KBTBD2: variants seen among roughly 807,000 people sequenced by gnomAD.
KBTBD2 encodes the protein kelch repeat and BTB domain containing 2.
Under a neutral mutation model 57.1 loss-of-function variants are expected in KBTBD2, and 17 were observed. That is an observed-to-expected ratio of 0.30 (90% confidence interval 0.20 to 0.45). KBTBD2 has a LOEUF of 0.45. KBTBD2 is among the 20% of genes least tolerant of loss of function. The pLI, the probability that KBTBD2 is intolerant of heterozygous loss-of-function variation, is 1.00. For synonymous variants in KBTBD2, 267 were observed against 262.7 expected (o/e 1.02, Z -0.16); for missense variants, 515 against 750.6 (o/e 0.69, Z 3.67).
chr7:32,869,291 G>T lies in KBTBD2; in HGVS notation c.*54C>A. The stretch of plus-strand genomic sequence containing the variant: ...GTTCTTTCATAGCCTCTTTTGTTTA[G>T]CAAAGAAAATGACAAAGCACATAAC... On this transcript the variant is annotated 3_prime_UTR_variant, in exon 4 of 4. Coordinates refer to ENST00000304056, the MANE Select transcript of KBTBD2 (RefSeq NM_015483.3). 1 of 1,297,534 alleles carries T rather than the reference G, an allele frequency of 7.7e-7. No homozygotes were observed. The highest frequency in any genetic ancestry group is 1.1e-6 in the Non-Finnish European group (1 of 937,842). The allele number at this position is 1,297,534 out of a possible 1,614,324, so 80.4% of individuals were successfully genotyped here.
chr7:32,889,547 G>C (rs917811900), intron 1 of KBTBD2, among the ~76,000 whole-genome samples: 33 of 152,096 alleles, frequency 2.2e-4, no homozygotes, highest in African/African-American at 8.0e-4. Flanking sequence ...GTTGCAGTGA[G>C]CCGAGATCGT....
Position 32,869,751 on chromosome 7 carries a change from G to C in KBTBD2, c.1466C>G (p.Ser489Cys). The C allele has an allele frequency of 6.2e-7, 1 of 1,614,100 alleles. No individual in the cohort carries two copies. The change falls in exon 4 of 4, where the codon TCT (serine) becomes TGT (cysteine). Residue 489 changes from serine to cysteine, a missense_variant. Physicochemically the swap from Ser to Cys is moderately radical, Grantham distance 112. Coordinates refer to ENST00000304056, the MANE Select transcript of KBTBD2 (RefSeq NM_015483.3). ...IATNSGIRLP[S>C]GTVDGSSVTV... The stretch of plus-strand genomic sequence containing the variant: ...TACTGAAGACCCATCTACAGTGCCA[G>C]AGGGGAGTCTTATGCCGGAATTGGT...
chr7:32,888,009 C>T (rs1241424891), intron 1 of KBTBD2, among the ~76,000 whole-genome samples: 1 of 152,220 alleles, frequency 6.6e-6, no homozygotes, highest in Admixed American at 6.5e-5. Context: ...ACTTTCCCAA[C>T]TCCTGGATTC....
In KBTBD2 at chr7:32,875,008, G is replaced by A. The variant is rs755257547; in HGVS notation, c.320C>T (p.Thr107Ile). The change falls in exon 3 of 4, where the codon ACA (threonine) becomes ATA (isoleucine). Residue 107 changes from threonine (T) to isoleucine (I), a missense_variant. Physicochemically the swap from Thr to Ile is moderately conservative, Grantham distance 89. Transcript: ENST00000304056. ...NDSTVEQLYETACFLQVEDVL... is the reference protein window; with the variant it reads ...NDSTVEQLYEIACFLQVEDVL... ...TATGCTTACCTGTAGGAAGCAAGCT[G>A]TTTCATAAAGCTGTTCTACAGTGCT... 1.2e-6 allele frequency: 2 copies of A among 1,613,956 alleles called. No individual in the cohort carries two copies. Among genetic ancestry groups the A allele is most frequent in the South Asian group, 2.2e-5 (2 of 91,078 alleles).
chr7:32,887,806 T>G (rs1006700580), intron 1 of KBTBD2, among the ~76,000 whole-genome samples: 12 of 152,236 alleles, frequency 7.9e-5, no homozygotes, highest in African/African-American at 2.7e-4. Context: ...AATAGCTGTG[T>G]GGCCCTTTTT....
At chr7:32,891,144 G>C (rs1784725069) in intron 1 of KBTBD2, 1 of 152,006 alleles carries the variant, frequency 6.6e-6, no homozygotes, top group South Asian at 2.1e-4. Flanking sequence ...CGAACACGTC[G>C]CGAGTCTTTA....
intron 1 of KBTBD2, among the ~76,000 whole-genome samples, chr7:32,889,386 A>G (rs1784671674): frequency 6.6e-6 from 1 of 152,128 alleles, no homozygotes; most frequent in South Asian, 2.1e-4. Flanking sequence ...GGGGATCACG[A>G]GGTCAGGAGC....
At chr7:32,871,216 A>G (rs1387360743) in intron 3 of KBTBD2, among the ~76,000 whole-genome samples, 2 of 152,220 alleles carry the variant, frequency 1.3e-5, no homozygotes, top group Non-Finnish European at 2.9e-5. Flanking sequence ...TATATAATTG[A>G]GAGAACTATA....
At chr7:32,873,868 T>A (rs908456336) in intron 3 of KBTBD2, among the ~76,000 whole-genome samples, 20 of 152,364 alleles carry the variant, frequency 1.3e-4, no homozygotes, top group African/African-American at 4.8e-4. Flanking sequence ...CTACTTAGTT[T>A]ACTGGGTAAT....
Position 32,879,618 on chromosome 7 carries a change from T to C in KBTBD2, c.-14A>G. The C allele has an allele frequency of 6.2e-7, 1 of 1,608,032 alleles. No individual in the cohort carries two copies. Among genetic ancestry groups the C allele is most frequent in the South Asian group, 1.1e-5 (1 of 90,724 alleles). ...TTGAGTGGACATGACTGTATTCCAT[T>C]AATATCTCCAGGAACAGATTAGAAA... On this transcript the variant is annotated 5_prime_UTR_variant, in exon 2 of 4. Coordinates refer to ENST00000304056, the MANE Select transcript of KBTBD2 (RefSeq NM_015483.3).
chr7:32,870,746 C>T lies in KBTBD2; in HGVS notation c.471G>A (p.Glu157=), dbSNP rs372429021. 1.9e-5 allele frequency: 30 copies of T among 1,614,070 alleles called. No homozygotes were observed. The highest frequency in any genetic ancestry group is 2.3e-5 in the Non-Finnish European group (27 of 1,180,038). ...GATGATACACAGCAGTGAACTTGTGCTCCACCATTCTTTTAGCACTCTGTT... is the reference window on the plus strand; with the variant it reads ...GATGATACACAGCAGTGAACTTGTGTTCCACCATTCTTTTAGCACTCTGTT... ...ELKQSAKRMV[E]HKFTAVYHQD... is the part of the protein sequence containing the mutation. Residue 157 remains glutamate, a synonymous_variant, in exon 4 of 4, where the codon GAG becomes GAA. Coordinates refer to ENST00000304056, the MANE Select transcript of KBTBD2 (RefSeq NM_015483.3).
intron 1 of KBTBD2, among the ~76,000 whole-genome samples, chr7:32,880,887 C>T (rs1355607800): frequency 2.0e-5 from 3 of 151,982 alleles, no homozygotes; most frequent in Non-Finnish European, 4.4e-5. Context: ...CGGATCACAA[C>T]GTCAGGAGTT....
intron 3 of KBTBD2, among the ~76,000 whole-genome samples, chr7:32,871,895 G>A (rs989533627): frequency 3.3e-5 from 5 of 152,074 alleles, no homozygotes; most frequent in African/African-American, 1.2e-4. Context: ...AGCAGAAGTA[G>A]TATACGGTTT....
Position 32,868,595 on chromosome 7 carries a change from TA to T in KBTBD2, c.*749del, listed in dbSNP as rs1180137982. 6.6e-6 allele frequency: 1 copy of T among 152,604 alleles called. No individual in the cohort carries two copies. The highest frequency in any genetic ancestry group is 1.5e-5 in the Non-Finnish European group (1 of 68,030). The allele number at this position is 152,604 out of a possible 1,614,324, so 9.5% of individuals were successfully genotyped here. A position where few individuals can be genotyped will look rare whatever the true frequency, so the allele number is the denominator to read the frequency against. On this transcript the variant is annotated 3_prime_UTR_variant, in exon 4 of 4. Transcript: ENST00000304056. ...TATGCATGAGCCAATGTTAACATAA[TA>T]CAGAAAGTGGAGGCTTTTTCTGATT...
chr7:32,875,163 G>C lies in KBTBD2; in HGVS notation c.171-6C>G. 1 of 1,611,962 alleles carries C rather than the reference G, an allele frequency of 6.2e-7. No homozygotes were observed. The highest frequency in any genetic ancestry group is 8.5e-7 in the Non-Finnish European group (1 of 1,179,136). On this transcript the variant is annotated splice_polypyrimidine_tract_variant and splice_region_variant and intron_variant, in intron 2 of 3. Coordinates refer to ENST00000304056, the MANE Select transcript of KBTBD2 (RefSeq NM_015483.3). The stretch of plus-strand genomic sequence containing the variant: ...GTCCACTCATAAACATGGCCCTACA[G>C]GGGAGATGAAGAAAACAAAGTTGTA...
At chr7:32,880,918 T>A (rs1480307067) in intron 1 of KBTBD2, among the ~76,000 whole-genome samples, 1 of 151,884 alleles carries the variant, frequency 6.6e-6, no homozygotes, top group Non-Finnish European at 1.5e-5. Flanking sequence ...CTGACCAACA[T>A]GGTGAAATCC....
At chr7:32,876,418 TCA>T (rs1784312746) in intron 2 of KBTBD2, among the ~76,000 whole-genome samples, 1 of 152,180 alleles carries the variant, frequency 6.6e-6, no homozygotes, top group Non-Finnish European at 1.5e-5. Flanking sequence ...AGCAGTCAGA[TCA>T]CAGAGGGCCT....
In KBTBD2 at chr7:32,872,022, C is replaced by T. The variant is rs1278780483; in HGVS notation, c.337-1142G>A. 2.0e-5 allele frequency among the ~76,000 whole-genome samples: 3 copies of T among 152,084 alleles called. No individual in the cohort carries two copies. The South Asian group carries it at 6.2e-4, about 32-fold the overall frequency. Reference sequence around the variant, plus strand: ...AATGCCTTAGTAATTCTGAGAAATGCCTGCTTTTAAAAGAAGGACCAACAA... The same window carrying T: ...AATGCCTTAGTAATTCTGAGAAATGTCTGCTTTTAAAAGAAGGACCAACAA... On this transcript the variant is annotated intron_variant, in intron 3 of 3. Transcript: ENST00000304056.
rs542709347 is a variant in KBTBD2, at chr7:32,873,154, G to GA, written c.336+1837dup. ...ATTCCAAAACAGGAGATGAAATGAAGAAAAAAACTCTTATATTCCTCTTAA... is the reference window on the plus strand; with the variant it reads ...ATTCCAAAACAGGAGATGAAATGAAGAAAAAAAACTCTTATATTCCTCTTAA... On this transcript the variant is annotated intron_variant, in intron 3 of 3. Coordinates refer to ENST00000304056, the MANE Select transcript of KBTBD2 (RefSeq NM_015483.3). Among the ~76,000 whole-genome samples, 32 of 151,842 alleles carry GA rather than the reference G, an allele frequency of 2.1e-4. No homozygotes were observed. The East Asian group carries it at 6.0e-3, about 28-fold the overall frequency.
Sources: allele counts gnomAD v4.1 joint callset (sites outside exome capture counted in the v4.1 genomes callset), GRCh38; gene constraint gnomAD v4.1.1; transcripts MANE v1.5; gene names NCBI Gene and HGNC (gene_info 2026-07-23, HGNC 2026-07-21).